Variants in VEPH1 observed in about 807,000 individuals in gnomAD.
The protein encoded by VEPH1 is ventricular zone-expressed PH domain-containing protein homolog 1.
Under a neutral mutation model 85.2 loss-of-function variants are expected in VEPH1, and 80 were observed. The observed-to-expected ratio is 0.94, with a 90% CI of 0.78 to 1.13. The LOEUF is 1.13. Ranked by LOEUF, VEPH1 falls within the 50% of genes most tolerant of loss-of-function variation. VEPH1 has a pLI of 0.00. For synonymous variants in VEPH1, 297 were observed against 348.0 expected, an observed-to-expected ratio of 0.85 and a Z score of 1.63; for missense variants, 955 against 980.5, an observed-to-expected ratio of 0.97 and a Z score of 0.35.
intron 5 of VEPH1, among the ~76,000 whole-genome samples, chr3:157,423,447 T>A (rs2109087784): frequency 6.6e-6 from 1 of 152,320 alleles, no homozygotes; most frequent in East Asian, 1.9e-4. Context: ...CCAAAATCCC[T>A]GGGAGTGAGG....
chr3:157,309,771 ATTATT>A (rs1719896512), intron 11 of VEPH1, among the ~76,000 whole-genome samples: 1 of 151,790 alleles, frequency 6.6e-6, no homozygotes, highest in Non-Finnish European at 1.5e-5. Context: ...TTATTTATTT[ATTATT>A]TTATTTTATT....
chr3:157,459,111 G>A (rs1735614610), intron 4 of VEPH1, among the ~76,000 whole-genome samples: 1 of 152,176 alleles, frequency 6.6e-6, no homozygotes, highest in East Asian at 1.9e-4. Flanking sequence ...CTGAATTACT[G>A]GGCTAAGGAC....
At chr3:157,318,632 AAAAGAAAG>A (rs67604867) in intron 9 of VEPH1, among the ~76,000 whole-genome samples, 9 of 128,622 alleles carry the variant, frequency 7.0e-5, no homozygotes, top group East Asian at 2.4e-4. Context: ...AACAAAAAAA[AAAAGAAAG>A]AAAGAAAGAA....
chr3:157,360,681 T>C lies in VEPH1; in HGVS notation c.1735+2683A>G, dbSNP rs147761971. 9.9e-4 allele frequency among the ~76,000 whole-genome samples: 151 copies of C among 152,154 alleles called. 2 individuals are homozygous for C. In the East Asian group the frequency reaches 0.025, roughly 25 times the overall value. The stretch of plus-strand genomic sequence containing the variant: ...TCAGAATACATACATTTGTCTACAG[T>C]TGGGCAAAACAATCTAACACAAAGC... On this transcript the variant is annotated intron_variant, in intron 9 of 13. Coordinates refer to ENST00000362010, the MANE Select transcript of VEPH1 (RefSeq NM_001167912.2).
At chr3:157,431,599 G>C (rs1342271669) in intron 4 of VEPH1, among the ~76,000 whole-genome samples, 6 of 151,686 alleles carry the variant, frequency 4.0e-5, no homozygotes, top group Non-Finnish European at 8.8e-5. Context: ...TACATAACAT[G>C]TTCACAGGTT....
intron 1 of VEPH1, among the ~76,000 whole-genome samples, chr3:157,497,395 A>T (rs745662345): frequency 2.6e-5 from 4 of 152,156 alleles, no homozygotes; most frequent in Non-Finnish European, 4.4e-5. Context: ...GAGCACAGTG[A>T]GGTACTGCAA....
At chr3:157,459,045 T>C (rs1735609313) in intron 4 of VEPH1, among the ~76,000 whole-genome samples, 1 of 152,178 alleles carries the variant, frequency 6.6e-6, no homozygotes, top group African/African-American at 2.4e-5. Context: ...TCTACCAAGG[T>C]ATAACACTGA....
intron 12 of VEPH1, among the ~76,000 whole-genome samples, chr3:157,277,908 G>T (rs114349369): frequency 7.2e-5 from 11 of 152,296 alleles, no homozygotes; most frequent in African/African-American, 2.6e-4. Context: ...CTTGTAAAAT[G>T]AGTCATTGTT....
intron 2 of VEPH1, among the ~76,000 whole-genome samples, chr3:157,479,050 T>C (rs1353942773): frequency 6.6e-6 from 1 of 152,176 alleles, no homozygotes; most frequent in African/African-American, 2.4e-5. Context: ...TTTTAACCTG[T>C]TTTAGTGGTA....
At chr3:157,400,930 T>A (rs1284768042) in intron 6 of VEPH1, among the ~76,000 whole-genome samples, 2 of 152,152 alleles carry the variant, frequency 1.3e-5, no homozygotes, top group Non-Finnish European at 2.9e-5. Flanking sequence ...CAGAATGAAT[T>A]ATACTTAGCC....
At chr3:157,390,430 G>C (rs1224616542) in intron 6 of VEPH1, among the ~76,000 whole-genome samples, 1 of 152,188 alleles carries the variant, frequency 6.6e-6, no homozygotes, top group Non-Finnish European at 1.5e-5. Flanking sequence ...TTATTAAGTA[G>C]TGTTAAGTGG....
At chr3:157,450,432 T>C (rs1244216206) in intron 4 of VEPH1, among the ~76,000 whole-genome samples, 1 of 152,112 alleles carries the variant, frequency 6.6e-6, no homozygotes, top group African/African-American at 2.4e-5. Context: ...CCTTCCTTTC[T>C]GTTATAACTT....
At chr3:157,493,116 G>A (rs1294892844) in intron 2 of VEPH1, 1 of 397,314 alleles carries the variant, frequency 2.5e-6, no homozygotes, top group Non-Finnish European at 5.0e-6. Context: ...TGCCATCAAG[G>A]TTTTATGCAA....
At chr3:157,275,454 T>C (rs1479761483) in intron 12 of VEPH1, among the ~76,000 whole-genome samples, 1 of 152,104 alleles carries the variant, frequency 6.6e-6, no homozygotes, top group Non-Finnish European at 1.5e-5. Context: ...CATGCGCCTG[T>C]AGTCCCAGCT....
At chr3:157,413,379 C>T in intron 6 of VEPH1, 1 of 762,090 alleles carries the variant, frequency 1.3e-6, no homozygotes, top group South Asian at 5.9e-5. Flanking sequence ...CATTCTGAAC[C>T]CAGGCACTTA....
At chr3:157,303,710 G>A (rs1183142399) in intron 11 of VEPH1, among the ~76,000 whole-genome samples, 1 of 152,076 alleles carries the variant, frequency 6.6e-6, no homozygotes. Context: ...TTCCCCTTAA[G>A]CACTGGATTA....
At chr3:157,320,143 T>A (rs537279853) in intron 9 of VEPH1, among the ~76,000 whole-genome samples, 39 of 152,142 alleles carry the variant, frequency 2.6e-4, no homozygotes, top group Non-Finnish European at 5.0e-4. Context: ...GTGTCAGATA[T>A]GTGTTGAGAG....
Position 157,386,250 on chromosome 3 carries a change from C to CAAAAAAAAAAAAAAAAAAAAAAAAAAAA in VEPH1, c.907-4875_907-4874insTTTTTTTTTTTTTTTTTTTTTTTTTTTT, listed in dbSNP as rs71302265. ...GTTACTTCAAGTAAAAATGGTTCCA[C>CAAAAAAAAAAAAAAAAAAAAAAAAAAAA]AAAAAAAAAAAAAAAAAAAAAAAAG... is the stretch of plus-strand genomic sequence containing the variant. On this transcript the variant is annotated intron_variant, in intron 6 of 13. Coordinates refer to ENST00000362010, the MANE Select transcript of VEPH1 (RefSeq NM_001167912.2). Among the ~76,000 whole-genome samples, 2 of 38,484 alleles carry CAAAAAAAAAAAAAAAAAAAAAAAAAAAA rather than the reference C, an allele frequency of 5.2e-5. 1 individual carries two copies. The allele number at this position is 38,484 out of a possible 152,430, so 25.2% of individuals were successfully genotyped here. A position where few individuals can be genotyped will look rare whatever the true frequency, so the allele number is the denominator to read the frequency against.
chr3:157,299,595 A>ATATAAGTCATG (rs1418816538), intron 11 of VEPH1, among the ~76,000 whole-genome samples: 11 of 151,448 alleles, frequency 7.3e-5, no homozygotes, highest in Non-Finnish European at 1.0e-4. Flanking sequence ...GAAAGAAAGA[A>ATATAAGTCATG]ACCTTTATCA....
Sources: allele counts gnomAD v4.1 joint callset (sites outside exome capture counted in the v4.1 genomes callset), GRCh38; gene constraint gnomAD v4.1.1; transcripts MANE v1.5; gene names NCBI Gene and HGNC (gene_info 2026-07-23, HGNC 2026-07-21).